KCTD16: variants seen among roughly 807,000 people sequenced by gnomAD.
The protein encoded by KCTD16 is BTB/POZ domain-containing protein KCTD16.
In KCTD16, 13 loss-of-function variants were observed where a neutral mutation model predicts 33.2. The ratio of observed to expected loss-of-function variants is 0.39; its 90% CI spans 0.25 to 0.62. The LOEUF (loss-of-function observed/expected upper bound fraction) is 0.62. KCTD16 is among the 20% of genes least tolerant of loss of function. The pLI, the probability that KCTD16 is intolerant of heterozygous loss-of-function variation, is 0.50. For missense variants in KCTD16, 441 were observed against 525.1 expected, an observed-to-expected ratio of 0.84 and a Z score of 1.57; for synonymous variants, 197 against 195.3, an observed-to-expected ratio of 1.01 and a Z score of -0.07.
At chr5:144,245,969 G>T (rs973935284) in intron 3 of KCTD16, among the ~76,000 whole-genome samples, 3 of 152,142 alleles carry the variant, frequency 2.0e-5, no homozygotes, top group African/African-American at 7.2e-5. Context: ...CTAACATGGG[G>T]ACACAAGATG....
intron 3 of KCTD16, among the ~76,000 whole-genome samples, chr5:144,366,651 T>C (rs1751842205): frequency 2.0e-5 from 3 of 152,098 alleles, no homozygotes; most frequent in Non-Finnish European, 4.4e-5. Flanking sequence ...TTAAGCATAA[T>C]CCCTGGGGTC....
intron 3 of KCTD16, among the ~76,000 whole-genome samples, chr5:144,432,800 C>CT (rs1335248691): frequency 6.6e-6 from 1 of 151,998 alleles, no homozygotes; most frequent in Non-Finnish European, 1.5e-5. Context: ...TTATTTACAG[C>CT]TTTTTATGTT....
chr5:144,458,188 T>C (rs1754114664), intron 3 of KCTD16, among the ~76,000 whole-genome samples: 1 of 152,198 alleles, frequency 6.6e-6, no homozygotes, highest in South Asian at 2.1e-4. Flanking sequence ...CATTTATTTC[T>C]CAAACAACCT....
chr5:144,259,465 T>C (rs548640376), intron 3 of KCTD16, among the ~76,000 whole-genome samples: 16 of 152,192 alleles, frequency 1.1e-4, no homozygotes, highest in African/African-American at 3.6e-4. Flanking sequence ...TCGAAAACAA[T>C]TACAGAACCA....
intron 3 of KCTD16, chr5:144,439,452 C>T (rs964317154): frequency 1.1e-4 from 31 of 293,764 alleles, no homozygotes; most frequent in African/African-American, 6.8e-4. Flanking sequence ...CCAGTGCCCG[C>T]TACCCAAGAA....
At chr5:144,423,799 T>C (rs1268855429) in intron 3 of KCTD16, among the ~76,000 whole-genome samples, 1 of 152,078 alleles carries the variant, frequency 6.6e-6, no homozygotes, top group African/African-American at 2.4e-5. Flanking sequence ...AGAAAAAAAG[T>C]AATAAATAAC....
intron 3 of KCTD16, among the ~76,000 whole-genome samples, chr5:144,373,506 G>A (rs925867923): frequency 6.6e-6 from 1 of 152,142 alleles, no homozygotes; most frequent in Non-Finnish European, 1.5e-5. Context: ...AGGCCATCCT[G>A]TAATCCCACT....
intron 3 of KCTD16, among the ~76,000 whole-genome samples, chr5:144,234,965 A>G (rs887295489): frequency 9.2e-5 from 14 of 152,212 alleles, no homozygotes; most frequent in Admixed American, 2.0e-4. Context: ...ACAGAAATGC[A>G]TCATTAACTC....
intron 3 of KCTD16, among the ~76,000 whole-genome samples, chr5:144,446,284 T>C (rs1476306416): frequency 6.6e-6 from 1 of 151,940 alleles, no homozygotes; most frequent in African/African-American, 2.4e-5. Flanking sequence ...CACAAGTCTA[T>C]GACAAAAACA....
At chr5:144,202,217 G>A (rs1267524303) in intron 2 of KCTD16, among the ~76,000 whole-genome samples, 5 of 152,056 alleles carry the variant, frequency 3.3e-5, no homozygotes, top group East Asian at 1.9e-4. Flanking sequence ...GTGTTTCAGC[G>A]GAGAGCTGCC....
At chr5:144,408,345 T>C (rs1184354613) in intron 3 of KCTD16, among the ~76,000 whole-genome samples, 1 of 152,232 alleles carries the variant, frequency 6.6e-6, no homozygotes. Flanking sequence ...TTGAATACTA[T>C]AACTTGGTGG....
In KCTD16 at chr5:144,189,353, G is replaced by A. The variant is rs139875651; in HGVS notation, c.-327+14881G>A. 5.8e-4 allele frequency among the ~76,000 whole-genome samples: 88 copies of A among 152,124 alleles called. 1 individual carries two copies. In the East Asian group the frequency reaches 0.015, roughly 25 times the overall value. ...TAAAAATACAGTAACAAAATTAGCC[G>A]GGTGTGGTGGCGGGCGCCTGTAGTC... On this transcript the variant is annotated intron_variant, in intron 2 of 3. Coordinates refer to ENST00000512467, the MANE Select transcript of KCTD16 (RefSeq NM_020768.4).
At position 144,481,843 on chromosome 5, in the gene KCTD16, T is replaced by A. The variant is rs1449130518; in HGVS notation, c.*7729T>A. 8 of 152,086 alleles carry A rather than the reference T, an allele frequency of 5.3e-5. No individual in the cohort carries two copies. The East Asian group carries it at 1.6e-3, about 30-fold the overall frequency. 9.4% of individuals were successfully genotyped at this position (152,086 alleles called of 1,614,324 possible). On this transcript the variant is annotated 3_prime_UTR_variant, in exon 4 of 4. Coordinates refer to ENST00000512467, the MANE Select transcript of KCTD16 (RefSeq NM_020768.4). Reference sequence around the variant, plus strand: ...GTAGTTCTGATCAGTATTCTAGAATTATGGTTTAAATATCCAGTTATAAAT... The same window carrying A: ...GTAGTTCTGATCAGTATTCTAGAATAATGGTTTAAATATCCAGTTATAAAT...
intron 3 of KCTD16, among the ~76,000 whole-genome samples, chr5:144,438,709 C>A (rs920153678): frequency 6.6e-6 from 1 of 152,200 alleles, no homozygotes; most frequent in East Asian, 1.9e-4. Context: ...AGCCTATGGA[C>A]TGAGAATGGG....
intron 2 of KCTD16, among the ~76,000 whole-genome samples, chr5:144,196,985 T>G (rs975282613): frequency 1.3e-5 from 2 of 152,228 alleles, no homozygotes; most frequent in African/African-American, 4.8e-5. Flanking sequence ...CATATTTGAA[T>G]TATGTACTTT....
At chr5:144,188,799 T>G (rs1752781714) in intron 2 of KCTD16, among the ~76,000 whole-genome samples, 1 of 152,164 alleles carries the variant, frequency 6.6e-6, no homozygotes, top group African/African-American at 2.4e-5. Flanking sequence ...CATTGTAATA[T>G]TCCTAATCAA....
chr5:144,343,399 G>C (rs1368921725), intron 3 of KCTD16, among the ~76,000 whole-genome samples: 2 of 152,132 alleles, frequency 1.3e-5, no homozygotes, highest in Admixed American at 1.3e-4. Context: ...ATGGTAGTTT[G>C]TATTTCTGTG....
At chr5:144,348,527 A>G (rs1752864470) in intron 3 of KCTD16, among the ~76,000 whole-genome samples, 1 of 152,218 alleles carries the variant, frequency 6.6e-6, no homozygotes. Context: ...GCGGGTCAGT[A>G]GTTGAACTGC....
chr5:144,443,967 T>C (rs945364789), intron 3 of KCTD16, among the ~76,000 whole-genome samples: 6 of 152,098 alleles, frequency 3.9e-5, no homozygotes, highest in African/African-American at 1.4e-4. Flanking sequence ...TTGGTAATTT[T>C]TGATAACTTT....
Sources: gnomAD v4.1 joint callset for allele counts (sites outside exome capture counted in the v4.1 genomes callset) on GRCh38, gnomAD v4.1.1 for gene constraint, MANE v1.5 for transcripts, NCBI Gene and HGNC (gene_info 2026-07-23, HGNC 2026-07-21) for gene names.